The following VEGFB variants were observed in gnomAD, a reference collection of about 807,000 sequenced individuals.
The protein encoded by VEGFB is vascular endothelial growth factor B.
A neutral mutation model predicts 22.5 loss-of-function variants in VEGFB; 24 were observed. That is an observed-to-expected ratio of 1.07 (90% CI 0.77 to 1.50). VEGFB has a LOEUF of 1.50. Among genes scored for constraint, VEGFB ranks in the 40% most tolerant of loss-of-function variants. The pLI is 0.00. For missense variants in VEGFB, 327 were observed against 287.8 expected (o/e 1.14, Z -0.99); for synonymous variants, 141 against 117.4 (o/e 1.20, Z -1.30).
At chr11:64,238,156 C>T (rs1591082633) in intron 6 of VEGFB, among the ~76,000 whole-genome samples, 200 bp from the exon 7 acceptor site, 1 of 152,270 alleles carries the variant, frequency 6.6e-6, no homozygotes, top group East Asian at 1.9e-4. Flanking sequence ...TGGGCAGGGC[C>T]AGTGGGGGCT....
At chr11:64,237,355 C>T (rs1488287689) in intron 5 of VEGFB, 65 bp from the exon 6 acceptor site, 3 of 1,527,416 alleles carry the variant, frequency 2.0e-6, no homozygotes, top group East Asian at 2.3e-5. Flanking sequence ...GTGTTCTCTG[C>T]CCCGACCCCA....
intron 4 of VEGFB, 58 bp downstream of exon 4, chr11:64,236,385 A>G: frequency 6.5e-7 from 1 of 1,549,440 alleles, no homozygotes; most frequent in Admixed American, 1.7e-5. Context: ...GGTGCTGGGT[A>G]TGGTGGTCCA....
rs61761266 is a variant in VEGFB at position 64,235,856 on chromosome 11, C to T, written c.147C>T (p.Pro49=). ...TGTATACTCGCGCTACCTGCCAGCCCCGGGAGGTGGTGGTGCCCTTGACTG... is the reference window on the plus strand; with the variant it reads ...TGTATACTCGCGCTACCTGCCAGCCTCGGGAGGTGGTGGTGCCCTTGACTG... ...IDVYTRATCQ[P]REVVVPLTVE... is the part of the protein sequence containing the mutation. Residue 49 remains proline (P), a synonymous_variant, in exon 3 of 7, where the codon CCC becomes CCT. Transcript: ENST00000309422. The T allele has an allele frequency of 2.6e-3, 4,157 of 1,613,980 alleles. 8 individuals carry two copies. Among genetic ancestry groups the T allele is most frequent in the Non-Finnish European group, 3.0e-3 (3,557 of 1,180,008 alleles).
chr11:64,234,867 G>A lies in VEGFB; in HGVS notation c.34G>A (p.Ala12Thr), dbSNP rs1180497964. 7.7e-7 allele frequency: 1 copy of A among 1,296,900 alleles called. No individual in the cohort carries two copies. The allele number at this position is 1,296,900 out of a possible 1,614,324, so 80.3% of individuals were successfully genotyped here. ...TCTGCTCCGCCGCCTGCTGCTCGCC[G>A]CACTCCTGCAGCTGGCCCCCGCCCA... ...SPLLRRLLLAALLQLAPAQAP... is the reference protein window; with the variant it reads ...SPLLRRLLLATLLQLAPAQAP... The change falls in exon 1 of 7, where the codon GCA (alanine) becomes ACA (threonine). Residue 12 changes from alanine (A) to threonine (T), a missense_variant. Physicochemically the swap from Ala to Thr is moderately conservative, Grantham distance 58 (BLOSUM62 0). Coordinates refer to ENST00000309422, the MANE Select transcript of VEGFB (RefSeq NM_003377.5). The surrounding 1 kb of genome is among the most constrained non-coding windows in gnomAD (Gnocchi z 5.3).
At position 64,234,713 on chromosome 11, in the gene VEGFB, C is replaced by G. The variant is rs1297350780; in HGVS notation, c.-121C>G. On this transcript the variant is annotated 5_prime_UTR_variant, in exon 1 of 7. Coordinates refer to ENST00000309422, the MANE Select transcript of VEGFB (RefSeq NM_003377.5). The surrounding 1 kb of genome is among the most constrained non-coding windows in gnomAD (Gnocchi z 5.3). The stretch of plus-strand genomic sequence containing the variant: ...AGGGGGCCGCGGAGGAGTCGCCCCC[C>G]GCGCCCGGCCCCCGCCCGCCGCGCC... 5.1e-6 allele frequency: 1 copy of G among 195,320 alleles called. No individual in the cohort carries two copies. The highest frequency in any genetic ancestry group is 1.6e-4 in the South Asian group (1 of 6,354). 12.1% of individuals were successfully genotyped at this position (195,320 alleles called of 1,614,324 possible).
At chr11:64,236,832 A>C (rs1217241743) in intron 4 of VEGFB, among the ~76,000 whole-genome samples, 1 of 148,968 alleles carries the variant, frequency 6.7e-6, no homozygotes, top group African/African-American at 2.4e-5. Context: ...TAATCCCAGC[A>C]CTTTGGGAGG....
Position 64,237,119 on chromosome 11 carries a change from G to GGA in VEGFB, c.375-68_375-67insGA, listed in dbSNP as rs2030134051. On this transcript the variant is annotated intron_variant, in intron 4 of 6. Coordinates refer to ENST00000309422, the MANE Select transcript of VEGFB (RefSeq NM_003377.5). ...AGAGAGAGAGAGAGAGAGAGAGAGA[G>GGA]AGAGTAGGATGCTGGGATTTCCTGA... 3 of 790,952 alleles carry GGA rather than the reference G, an allele frequency of 3.8e-6. 1 individual carries two copies. In the East Asian group the frequency reaches 9.3e-5, roughly 25 times the overall value. 49.0% of individuals were successfully genotyped at this position (790,952 alleles called of 1,614,324 possible). A position where few individuals can be genotyped will look rare whatever the true frequency, so the allele number is the denominator to read the frequency against.
intron 3 of VEGFB, 120 bp downstream of exon 3, chr11:64,236,129 C>G (rs768032839): frequency 6.5e-7 from 1 of 1,530,472 alleles, no homozygotes. Flanking sequence ...GCACAGGAGA[C>G]AGGGTTGGGG....
chr11:64,234,907 G>T lies in VEGFB; in HGVS notation c.60+14G>T. ...GCCCCCGCCCAGGTACGTGCGGCCCGACAGCGCGCCCGCCCGCCCGCCGTG... is the reference window on the plus strand; with the variant it reads ...GCCCCCGCCCAGGTACGTGCGGCCCTACAGCGCGCCCGCCCGCCCGCCGTG... On this transcript the variant is annotated intron_variant, in intron 1 of 6. Coordinates refer to ENST00000309422, the MANE Select transcript of VEGFB (RefSeq NM_003377.5). The surrounding 1 kb of genome is among the most constrained non-coding windows in gnomAD (Gnocchi z 5.3). 2 of 1,273,662 alleles carry T rather than the reference G, an allele frequency of 1.6e-6. No homozygotes were observed. Among genetic ancestry groups the T allele is most frequent in the South Asian group, 2.5e-5 (1 of 39,234 alleles). The allele number at this position is 1,273,662 out of a possible 1,614,324, so 78.9% of individuals were successfully genotyped here.
chr11:64,236,356 G>A (rs370156059), intron 4 of VEGFB, 29 bp downstream of exon 4: 126 of 1,608,730 alleles, frequency 7.8e-5, no homozygotes, highest in Non-Finnish European at 1.0e-4. Flanking sequence ...TTCTGAGCTC[G>A]CAGAGGCCAG....
intron 3 of VEGFB, 83 bp from the exon 4 acceptor site, chr11:64,236,171 G>A: frequency 6.4e-7 from 1 of 1,566,894 alleles, no homozygotes; most frequent in African/African-American, 1.3e-5. Context: ...CCGGCTGTTG[G>A]GTGAGCTTTT....
At position 64,237,123 on chromosome 11, in the gene VEGFB, G is replaced by GATATATATATA. The variant is rs1555056104; in HGVS notation, c.375-64_375-63insATATATATATA. ...AGAGAGAGAGAGAGAGAGAGAGAGA[G>GATATATATATA]TAGGATGCTGGGATTTCCTGATCTT... is the stretch of plus-strand genomic sequence containing the variant. On this transcript the variant is annotated intron_variant, in intron 4 of 6. Transcript: ENST00000309422. 2 of 661,992 alleles carry GATATATATATA rather than the reference G, an allele frequency of 3.0e-6. 1 individual carries two copies. Among genetic ancestry groups the GATATATATATA allele is most frequent in the African/African-American group, 5.1e-5 (2 of 39,102 alleles). The allele number at this position is 661,992 out of a possible 1,614,324, so 41.0% of individuals were successfully genotyped here. A position where few individuals can be genotyped will look rare whatever the true frequency, so the allele number is the denominator to read the frequency against.
In VEGFB at chr11:64,237,188, C is replaced by G. The variant is rs767610170; in HGVS notation, c.376C>G (p.Pro126Ala). The G allele has an allele frequency of 4.4e-6, 7 of 1,603,412 alleles. No individual in the cohort carries two copies. Among genetic ancestry groups the G allele is most frequent in the East Asian group, 4.5e-5 (2 of 44,584 alleles). The change falls in exon 5 of 7, where the codon CCT becomes GCT. Residue 126 changes from proline to alanine, a missense_variant and splice_region_variant. Pro to Ala is a conservative substitution (Grantham distance 27). Coordinates refer to ENST00000309422, the MANE Select transcript of VEGFB (RefSeq NM_003377.5). ...GTGTCTGTCTATCTTACTTTTCAGA[C>G]CTAAAAAAAAGGACAGTGCTGTGAA... ...LEEHSQCECR[P>A]KKKDSAVKPD...
Position 64,234,928 on chromosome 11 carries a change from C to T in VEGFB, c.60+35C>T, listed in dbSNP as rs559127669. On this transcript the variant is annotated intron_variant, in intron 1 of 6. Transcript: ENST00000309422. The surrounding 1 kb of genome is among the most constrained non-coding windows in gnomAD (Gnocchi z 5.3). ...GCCCGACAGCGCGCCCGCCCGCCCG[C>T]CGTGCCCTCTCTCAAGGTTGGCGGA... The T allele has an allele frequency of 5.5e-6, 7 of 1,275,076 alleles. No homozygotes were observed. The South Asian group carries it at 1.8e-4, about 33-fold the overall frequency. 79.0% of individuals were successfully genotyped at this position (1,275,076 alleles called of 1,614,324 possible).
At position 64,237,218 on chromosome 11, in the gene VEGFB, G is replaced by C. The variant is rs766505148; in HGVS notation, c.406G>C (p.Asp136His). The C allele has an allele frequency of 1.2e-5, 20 of 1,609,188 alleles. No individual in the cohort carries two copies. In the South Asian group the frequency reaches 1.7e-4, roughly 13 times the overall value. ...AAAAAAGGACAGTGCTGTGAAGCCA[G>C]ACAGGTGAGTCTTTTGGACTCCAGC... ...PKKKDSAVKPDRAATPHHRPQ... is the reference protein window; with the variant it reads ...PKKKDSAVKPHRAATPHHRPQ... Residue 136 changes from aspartate to histidine, a missense_variant, in exon 5 of 7, where the codon GAC (aspartate) becomes CAC (histidine). Asp to His is a moderately conservative substitution (Grantham distance 81). Transcript: ENST00000309422.
rs1591079841 is a variant in VEGFB, at chr11:64,236,314, C to T, written c.361C>T (p.Gln121Ter). The T allele has an allele frequency of 6.2e-7, 1 of 1,613,772 alleles. No individual in the cohort carries two copies. Among genetic ancestry groups the T allele is most frequent in the Non-Finnish European group, 8.5e-7 (1 of 1,179,988 alleles). ...LGEMSLEEHS[Q>*]CECRPKKKDS... is the part of the protein sequence containing the mutation. ...GGAGATGTCCCTGGAAGAACACAGC[C>T]AGTGTGAATGCAGGTGCCAGCCAGG... Residue 121 changes from glutamine to a stop codon, truncating the protein, a stop_gained, in exon 4 of 7, where the codon CAG (glutamine) becomes TAG (stop). Coordinates refer to ENST00000309422, the MANE Select transcript of VEGFB (RefSeq NM_003377.5). LOFTEE classifies it high-confidence loss of function.
At position 64,237,238 on chromosome 11, in the gene VEGFB, T is replaced by G; in HGVS notation, c.410+16T>G. The G allele has an allele frequency of 6.2e-7, 1 of 1,607,600 alleles. No individual in the cohort carries two copies. The highest frequency in any genetic ancestry group is 8.5e-7 in the Non-Finnish European group (1 of 1,174,936). On this transcript the variant is annotated intron_variant, in intron 5 of 6. Transcript: ENST00000309422. ...AGCCAGACAGGTGAGTCTTTTGGACTCCAGCTGAGTAGGGGTATGGGGAGT... is the reference window on the plus strand; with the variant it reads ...AGCCAGACAGGTGAGTCTTTTGGACGCCAGCTGAGTAGGGGTATGGGGAGT...
chr11:64,236,363 C>G lies in VEGFB; in HGVS notation c.374+36C>G, dbSNP rs766299827. 5 of 1,604,114 alleles carry G rather than the reference C, an allele frequency of 3.1e-6. No individual in the cohort carries two copies. In the African/African-American group the frequency reaches 5.4e-5, roughly 17 times the overall value. ...GGCCCAACTTCTGAGCTCGCAGAGG[C>G]CAGGCTTGGGGGGTGCTGGGTATGG... On this transcript the variant is annotated intron_variant, in intron 4 of 6. Coordinates refer to ENST00000309422, the MANE Select transcript of VEGFB (RefSeq NM_003377.5).
chr11:64,236,939 C>T (rs557752339), intron 4 of VEGFB, among the ~76,000 whole-genome samples: 26 of 148,214 alleles, frequency 1.8e-4, no homozygotes, highest in Non-Finnish European at 2.3e-4. Flanking sequence ...AAAAATTAGC[C>T]GCGCATGGTG....
Sources: gnomAD v4.1 joint callset for allele counts (sites outside exome capture counted in the v4.1 genomes callset) on GRCh38, gnomAD v4.1.1 for gene constraint, Gnocchi (gnomAD v3.1) non-coding constraint, MANE v1.5 for transcripts, NCBI Gene and HGNC (gene_info 2026-07-23, HGNC 2026-07-21) for gene names.